Variants in CRPPA observed in about 807,000 individuals in gnomAD.
CRPPA encodes CDP-L-ribitol pyrophosphorylase A.
Under a neutral mutation model 52.0 loss-of-function variants are expected in CRPPA, and 43 were observed. The ratio of observed to expected loss-of-function variants is 0.83; its 90% CI spans 0.65 to 1.07. The LOEUF (loss-of-function observed/expected upper bound fraction) is 1.07. Among genes scored for constraint, CRPPA ranks in the 50% least tolerant of loss-of-function variants. The probability of loss-of-function intolerance (pLI) is 0.00; values close to 1 mark genes in which losing one functional copy is unlikely to be tolerated. For missense variants in CRPPA, 629 were observed against 551.7 expected, an observed-to-expected ratio of 1.14 and a Z score of -1.40; for synonymous variants, 250 against 203.5, an observed-to-expected ratio of 1.23 and a Z score of -1.94.
intron 6 of CRPPA, among the ~76,000 whole-genome samples, chr7:16,267,864 A>C (rs994436977): frequency 6.6e-6 from 1 of 152,194 alleles, no homozygotes; most frequent in Non-Finnish European, 1.5e-5. Flanking sequence ...ATTTATAAAA[A>C]TACAGTGTAA....
chr7:16,179,039 C>T (rs868083225), intron 9 of CRPPA, among the ~76,000 whole-genome samples: 1 of 149,408 alleles, frequency 6.7e-6, no homozygotes, highest in Non-Finnish European at 1.5e-5. Flanking sequence ...TCAATTTAGA[C>T]ACTGTTGGAA....
intron 5 of CRPPA, among the ~76,000 whole-genome samples, chr7:16,283,980 C>G (rs2128419031): frequency 6.6e-6 from 1 of 152,062 alleles, no homozygotes; most frequent in East Asian, 1.9e-4. Flanking sequence ...GGAACAGATG[C>G]TGAAAGTAGC....
chr7:16,211,315 AAAC>A (rs1344757833), intron 9 of CRPPA, among the ~76,000 whole-genome samples: 4 of 152,232 alleles, frequency 2.6e-5, no homozygotes, highest in African/African-American at 9.6e-5. Flanking sequence ...GACTAAGTCT[AAAC>A]AATAAAAGTC....
rs976887997 is a variant in CRPPA, at chr7:16,199,843, G to A, written c.1251+16223C>T. ...TTCCAAAATTATTGCCTTCAGATCTGTAAGCTTTTTCTTTTTTTTTTTTTT... is the reference window on the plus strand; with the variant it reads ...TTCCAAAATTATTGCCTTCAGATCTATAAGCTTTTTCTTTTTTTTTTTTTT... On this transcript the variant is annotated intron_variant, in intron 9 of 9. Coordinates refer to ENST00000407010, the MANE Select transcript of CRPPA (RefSeq NM_001101426.4). 2.7e-5 allele frequency among the ~76,000 whole-genome samples: 4 copies of A among 147,638 alleles called. No individual in the cohort carries two copies. In the East Asian group the frequency reaches 8.0e-4, roughly 30 times the overall value.
chr7:16,252,215 G>T (rs555905323), intron 8 of CRPPA, among the ~76,000 whole-genome samples: 2 of 151,660 alleles, frequency 1.3e-5, no homozygotes, highest in South Asian at 4.2e-4. Flanking sequence ...CAATCAAGTC[G>T]GCTTCATCCC....
intron 4 of CRPPA, among the ~76,000 whole-genome samples, chr7:16,302,548 A>G (rs1784812103): frequency 6.6e-6 from 1 of 152,118 alleles, no homozygotes; most frequent in Non-Finnish European, 1.5e-5. Context: ...GCTACATTCA[A>G]GCACCTAGAT....
At chr7:16,413,265 C>G (rs1399274654) in intron 1 of CRPPA, among the ~76,000 whole-genome samples, 1 of 152,166 alleles carries the variant, frequency 6.6e-6, no homozygotes, top group Non-Finnish European at 1.5e-5. Context: ...CCCATGAAGG[C>G]TCCCGGTTGT....
intron 8 of CRPPA, among the ~76,000 whole-genome samples, chr7:16,238,065 A>G (rs547863956): frequency 2.0e-4 from 30 of 152,316 alleles, no homozygotes; most frequent in African/African-American, 7.0e-4. Context: ...CCCAGTCACT[A>G]AAGTACTTTC....
At chr7:16,296,010 G>A (rs1784666602) in intron 5 of CRPPA, among the ~76,000 whole-genome samples, 1 of 152,052 alleles carries the variant, frequency 6.6e-6, no homozygotes, top group African/African-American at 2.4e-5. Flanking sequence ...CTCTGCCTAA[G>A]AAAAGGGATT....
chr7:16,308,892 G>T (rs1044062933), intron 3 of CRPPA, among the ~76,000 whole-genome samples: 9 of 151,388 alleles, frequency 5.9e-5, no homozygotes, highest in Non-Finnish European at 1.0e-4. Context: ...GTAGTTCTAG[G>T]CGTAAAAAAA....
intron 9 of CRPPA, among the ~76,000 whole-genome samples, chr7:16,188,968 T>C (rs954107643): frequency 2.6e-5 from 4 of 151,916 alleles, no homozygotes; most frequent in Non-Finnish European, 5.9e-5. Context: ...TAATTGAAAA[T>C]AACAAAAAAC....
intron 1 of CRPPA, among the ~76,000 whole-genome samples, chr7:16,414,896 A>T (rs1485296447): frequency 1.3e-5 from 2 of 152,240 alleles, no homozygotes; most frequent in African/African-American, 4.8e-5. Flanking sequence ...CTGGACTACC[A>T]TTCTTTAAGA....
rs568728742 is a variant in CRPPA, at chr7:16,095,946, T to C, written c.1252-4147A>G. ...AAAGTTGGAGAGCTGAGGAGAGATT[T>C]TTGAGGCCCCACTGTGCCAAGGAGC... On this transcript the variant is annotated intron_variant, in intron 9 of 9. Transcript: ENST00000407010. Among the ~76,000 whole-genome samples, 115 of 152,218 alleles carry C rather than the reference T, an allele frequency of 7.6e-4. 1 individual carries two copies. Among genetic ancestry groups the C allele is most frequent in the Admixed American group, 1.2e-3 (19 of 15,282 alleles).
chr7:16,352,571 T>C (rs1786184425), intron 3 of CRPPA, among the ~76,000 whole-genome samples: 2 of 152,236 alleles, frequency 1.3e-5, no homozygotes, highest in Non-Finnish European at 2.9e-5. Context: ...CTCACAACTG[T>C]TACATTTCAT....
intron 4 of CRPPA, among the ~76,000 whole-genome samples, chr7:16,304,997 A>T (rs1562620400): frequency 6.6e-6 from 1 of 151,486 alleles, no homozygotes; most frequent in African/African-American, 2.4e-5. Flanking sequence ...TTTCAGATAC[A>T]TTTTTTTTTA....
intron 9 of CRPPA, among the ~76,000 whole-genome samples, chr7:16,194,214 T>C (rs1218512484): frequency 6.6e-6 from 1 of 152,060 alleles, no homozygotes; most frequent in Non-Finnish European, 1.5e-5. Flanking sequence ...CAGGGGAGAA[T>C]GTGAACTGAG....
intron 2 of CRPPA, among the ~76,000 whole-genome samples, chr7:16,391,058 C>T (rs1360193622): frequency 6.6e-6 from 1 of 152,094 alleles, no homozygotes; most frequent in African/African-American, 2.4e-5. Context: ...ATATATCCAG[C>T]CCAGAATTCT....
At chr7:16,405,211 ATAATACCCTTTAAGCACTTATTAT>A (rs1434728625) in intron 2 of CRPPA, among the ~76,000 whole-genome samples, 8 of 152,188 alleles carry the variant, frequency 5.3e-5, no homozygotes, top group South Asian at 2.1e-4. Context: ...TCATCTTAAA[ATAATACCCTTTAAGCACTTATTAT>A]TAATACCCTT....
rs1219869092 is a variant in CRPPA, at chr7:16,132,920, G to A, written c.1252-41121C>T. 1.1e-4 allele frequency among the ~76,000 whole-genome samples: 13 copies of A among 123,684 alleles called. 4 individuals are homozygous for A. In the East Asian group the frequency reaches 4.1e-3, roughly 39 times the overall value. 81.1% of individuals were successfully genotyped at this position (123,684 alleles called of 152,430 possible). On this transcript the variant is annotated intron_variant, in intron 9 of 9. Coordinates refer to ENST00000407010, the MANE Select transcript of CRPPA (RefSeq NM_001101426.4). Reference sequence around the variant, plus strand: ...GCCTGAAGTCCCAGCACTCTGAGACGCTGAGGTGGGAGGACTGCCTGAGCT... The same window carrying A: ...GCCTGAAGTCCCAGCACTCTGAGACACTGAGGTGGGAGGACTGCCTGAGCT...
Sources: allele counts gnomAD v4.1 joint callset (sites outside exome capture counted in the v4.1 genomes callset), GRCh38; gene constraint gnomAD v4.1.1; transcripts MANE v1.5; gene names NCBI Gene and HGNC (gene_info 2026-07-23, HGNC 2026-07-21).